The following SLC1A3 variants were observed in gnomAD, a reference collection of about 807,000 sequenced individuals.
SLC1A3 encodes the protein solute carrier family 1 member 3, also known as excitatory amino acid transporter 1.
In SLC1A3, 21 loss-of-function variants were observed where a neutral mutation model predicts 48.1. The observed-to-expected ratio is 0.44, with a 90% CI of 0.31 to 0.63. The LOEUF (loss-of-function observed/expected upper bound fraction) is 0.63. Among genes scored for constraint, SLC1A3 ranks in the 20% least tolerant of loss-of-function variants. SLC1A3 has a pLI of 0.08. For missense variants in SLC1A3, 546 were observed against 689.0 expected (o/e 0.79, Z 2.32); for synonymous variants, 239 against 251.4 (o/e 0.95, Z 0.47).
intron 3 of SLC1A3, among the ~76,000 whole-genome samples, chr5:36,661,142 T>G (rs1741493560): frequency 6.6e-6 from 1 of 152,244 alleles, no homozygotes; most frequent in Admixed American, 6.5e-5. Flanking sequence ...GACAAAGTGG[T>G]GGCTCATGCC....
chr5:36,669,489 G>A (rs1302922961), intron 3 of SLC1A3: 1 of 152,166 alleles, frequency 6.6e-6, no homozygotes, highest in Non-Finnish European at 1.5e-5. Context: ...GAGGCAGAAA[G>A]TACACTGAAC....
At chr5:36,670,829 T>C (rs1022935829) in intron 3 of SLC1A3, 200 bp from the exon 4 acceptor site, 1 of 617,250 alleles carries the variant, frequency 1.6e-6, no homozygotes, top group Non-Finnish European at 2.9e-6. Context: ...TCACTGACAC[T>C]GCTGATGCCT....
chr5:36,639,329 A>G (rs1458850234), intron 3 of SLC1A3, among the ~76,000 whole-genome samples: 1 of 152,228 alleles, frequency 6.6e-6, no homozygotes, highest in Non-Finnish European at 1.5e-5. Flanking sequence ...TCGCTGCTAA[A>G]ACATCGGCAC....
intron 2 of SLC1A3, among the ~76,000 whole-genome samples, chr5:36,615,117 C>G (rs1739376977): frequency 6.6e-6 from 1 of 152,202 alleles, no homozygotes; most frequent in Non-Finnish European, 1.5e-5. Context: ...AGGCCACCCT[C>G]CTTCTGATTT....
intron 2 of SLC1A3, among the ~76,000 whole-genome samples, chr5:36,616,133 T>G (rs1231209449): frequency 1.3e-5 from 2 of 152,004 alleles, no homozygotes; most frequent in African/African-American, 4.8e-5. Flanking sequence ...AGGAGGAGGT[T>G]GCAGTGAACT....
intron 1 of SLC1A3, among the ~76,000 whole-genome samples, chr5:36,601,390 G>A (rs1191181026): frequency 6.6e-6 from 1 of 152,178 alleles, no homozygotes; most frequent in African/African-American, 2.4e-5. Context: ...TGGCAAGCCC[G>A]TTATTGGCAT....
chr5:36,651,724 C>T (rs1741084318), intron 3 of SLC1A3, among the ~76,000 whole-genome samples: 1 of 152,072 alleles, frequency 6.6e-6, no homozygotes, highest in Non-Finnish European at 1.5e-5. Flanking sequence ...CTCCTCCAGC[C>T]AACTGTGTCA....
chr5:36,614,563 G>A lies in SLC1A3; in HGVS notation c.181+5959G>A, dbSNP rs138821223. Among the ~76,000 whole-genome samples the A allele has an allele frequency of 2.0e-3, 310 of 152,268 alleles. 2 individuals carry two copies. The highest frequency in any genetic ancestry group is 7.0e-3 in the African/African-American group (293 of 41,564). On this transcript the variant is annotated intron_variant, in intron 2 of 9. Transcript: ENST00000265113. ...ACCAGAAAGTAATCCCCAGGCAGCCGTTATCACAGCAGACTACTTAGTGGA... is the reference window on the plus strand; with the variant it reads ...ACCAGAAAGTAATCCCCAGGCAGCCATTATCACAGCAGACTACTTAGTGGA...
chr5:36,599,508 C>CTTTTTT lies in SLC1A3; in HGVS notation c.-96+2844_-96+2849dup, dbSNP rs1176214248. ...CCTACACATCGTAGCTACGGTTGAACTTTTTTTTTTTTTTTTTTTGAGACG... is the reference window on the plus strand; with the variant it reads ...CCTACACATCGTAGCTACGGTTGAACTTTTTTTTTTTTTTTTTTTTTTTTTGAGACG... On this transcript the variant is annotated intron_variant, in intron 1 of 9. Coordinates refer to the SLC1A3 transcript ENST00000680318. Among the ~76,000 whole-genome samples, 655 of 78,244 alleles carry CTTTTTT rather than the reference C, an allele frequency of 8.4e-3. 77 individuals are homozygous for CTTTTTT. Among genetic ancestry groups the CTTTTTT allele is most frequent in the Middle Eastern group, 0.038 (3 of 78 alleles). The allele number at this position is 78,244 out of a possible 152,430, so 51.3% of individuals were successfully genotyped here. A position where few individuals can be genotyped will look rare whatever the true frequency, so the allele number is the denominator to read the frequency against.
At chr5:36,635,317 A>G (rs1447285062) in intron 3 of SLC1A3, among the ~76,000 whole-genome samples, 1 of 152,204 alleles carries the variant, frequency 6.6e-6, no homozygotes, top group East Asian at 1.9e-4. Context: ...TGCTCAATTA[A>G]TGGTAGCTGT....
upstream of SLC1A3, among the ~76,000 whole-genome samples, chr5:36,602,097 T>A (rs1051633062): frequency 6.6e-6 from 1 of 152,126 alleles, no homozygotes; most frequent in African/African-American, 2.4e-5. Context: ...GCCCGTTGGA[T>A]TTGGGGAGTG....
intron 3 of SLC1A3, among the ~76,000 whole-genome samples, chr5:36,631,081 G>C (rs1159685456): frequency 6.6e-6 from 1 of 152,216 alleles, no homozygotes; most frequent in African/African-American, 2.4e-5. Flanking sequence ...TTCTGTGGTA[G>C]AGCAGAGTCT....
At chr5:36,620,910 T>G (rs1215694170) in intron 2 of SLC1A3, among the ~76,000 whole-genome samples, 1 of 151,458 alleles carries the variant, frequency 6.6e-6, no homozygotes, top group African/African-American at 2.4e-5. Flanking sequence ...TTGAGCTAGG[T>G]CTTTTTTTTT....
rs151286502 is a variant in SLC1A3 at position 36,598,810 on chromosome 5, C to T, written c.-96+2132C>T. ...CTAATTTTTGTATTTTTTATAGAGA[C>T]TGGGACTGGGTTTTGCCTTGTTGCC... On this transcript the variant is annotated intron_variant, in intron 1 of 9. Transcript: ENST00000680318. 9.3e-3 allele frequency among the ~76,000 whole-genome samples: 1,419 copies of T among 152,168 alleles called. 14 individuals are homozygous for T. The highest frequency in any genetic ancestry group is 0.012 in the Non-Finnish European group (817 of 68,008).
At chr5:36,657,683 T>C (rs1045033379) in intron 3 of SLC1A3, among the ~76,000 whole-genome samples, 4 of 152,208 alleles carry the variant, frequency 2.6e-5, no homozygotes, top group African/African-American at 7.2e-5. Context: ...CATGATGAAG[T>C]TGAGCAAGGA....
At position 36,686,905 on chromosome 5, in the gene SLC1A3, G is replaced by A. The variant is rs182529342; in HGVS notation, c.*636G>A. 7 of 157,528 alleles carry A rather than the reference G, an allele frequency of 4.4e-5. No homozygotes were observed. The East Asian group carries it at 1.3e-3, about 30-fold the overall frequency. 9.8% of individuals were successfully genotyped at this position (157,528 alleles called of 1,614,324 possible). A position where few individuals can be genotyped will look rare whatever the true frequency, so the allele number is the denominator to read the frequency against. On this transcript the variant is annotated 3_prime_UTR_variant, in exon 10 of 10. Transcript: ENST00000265113. ...TATAAAATGAGGGACTTCCCTAGAA[G>A]TCTTCATGGTCTCTTCCAGCCCAGA...
At chr5:36,613,906 A>G (rs557015723) in intron 2 of SLC1A3, among the ~76,000 whole-genome samples, 1 of 152,136 alleles carries the variant, frequency 6.6e-6, no homozygotes, top group Non-Finnish European at 1.5e-5. Context: ...ATACAGAAAA[A>G]TTGTCAGGGC....
At chr5:36,677,272 C>A in intron 6 of SLC1A3, 88 bp downstream of exon 6, 1 of 1,151,092 alleles carries the variant, frequency 8.7e-7, no homozygotes, top group Non-Finnish European at 1.3e-6. Context: ...TGCCACGAGG[C>A]AGGATGGCCA....
chr5:36,665,209 C>T (rs1741689435), intron 3 of SLC1A3, among the ~76,000 whole-genome samples: 2 of 138,824 alleles, frequency 1.4e-5, no homozygotes, highest in South Asian at 4.8e-4. Flanking sequence ...GTAACCCAAT[C>T]TAAGTGTTAG....
Sources: gnomAD v4.1 joint callset for allele counts (sites outside exome capture counted in the v4.1 genomes callset) on GRCh38, gnomAD v4.1.1 for gene constraint, MANE v1.5 for transcripts, NCBI Gene and HGNC (gene_info 2026-07-23, HGNC 2026-07-21) for gene names.